The following NCAM2 variants were observed in gnomAD, a reference collection of about 807,000 sequenced individuals.
NCAM2 encodes the protein N-CAM-2.
A neutral mutation model predicts 98.1 loss-of-function variants in NCAM2; 30 were observed. The ratio of observed to expected loss-of-function variants is 0.31; its 90% CI spans 0.23 to 0.41. The LOEUF (loss-of-function observed/expected upper bound fraction) is 0.41, where lower values mean the gene tolerates loss of function less well. Among genes scored for constraint, NCAM2 ranks in the 10% least tolerant of loss-of-function variants. NCAM2 has a pLI of 1.00. For synonymous variants in NCAM2, 368 were observed against 342.4 expected, an observed-to-expected ratio of 1.07 and a Z score of -0.83; for missense variants, 867 against 1,005.8, an observed-to-expected ratio of 0.86 and a Z score of 1.87.
chr21:21,130,721 A>G (rs938413873), intron 1 of NCAM2, among the ~76,000 whole-genome samples: 13 of 80,398 alleles, frequency 1.6e-4, no homozygotes, highest in African/African-American at 4.9e-4. Flanking sequence ...TTTTGCCTCT[A>G]TGTAAATTAC....
In NCAM2 at chr21:21,418,701, C is replaced by T. The variant is rs568758552; in HGVS notation, c.1480+132C>T. ...GGATCTCTTGGAGATATCAGGTAGA[C>T]TGTGGTTACCAGAGGCTTGGTAGTA... On this transcript the variant is annotated intron_variant, in intron 11 of 17. Transcript: ENST00000400546. 636 of 723,622 alleles carry T rather than the reference C, an allele frequency of 8.8e-4. 2 individuals are homozygous for T. Among genetic ancestry groups the T allele is most frequent in the Non-Finnish European group, 1.2e-3 (491 of 406,686 alleles). The allele number at this position is 723,622 out of a possible 1,614,324, so 44.8% of individuals were successfully genotyped here.
intron 1 of NCAM2, among the ~76,000 whole-genome samples, chr21:21,223,975 G>A (rs961263937): frequency 6.6e-6 from 1 of 152,144 alleles, no homozygotes; most frequent in African/African-American, 2.4e-5. Context: ...AGCAATCACG[G>A]AACACAGTGC....
At chr21:21,199,879 G>T (rs1022658623) in intron 1 of NCAM2, among the ~76,000 whole-genome samples, 4 of 151,882 alleles carry the variant, frequency 2.6e-5, no homozygotes, top group African/African-American at 7.3e-5. Flanking sequence ...CACCATTAGA[G>T]GCTGGGCCTT....
intron 1 of NCAM2, among the ~76,000 whole-genome samples, chr21:21,064,603 G>A (rs1038837614): frequency 1.3e-5 from 2 of 151,982 alleles, no homozygotes; most frequent in African/African-American, 4.8e-5. Flanking sequence ...TGCCCCTCAG[G>A]GTTCATCACT....
At chr21:21,536,906 T>C (rs1335035425) in intron 17 of NCAM2, among the ~76,000 whole-genome samples, 1 of 151,994 alleles carries the variant, frequency 6.6e-6, no homozygotes, top group African/African-American at 2.4e-5. Flanking sequence ...AAGTTACAAT[T>C]GCAAACAACT....
At chr21:21,199,940 C>T (rs1157103392) in intron 1 of NCAM2, among the ~76,000 whole-genome samples, 2 of 151,978 alleles carry the variant, frequency 1.3e-5, no homozygotes, top group African/African-American at 4.8e-5. Context: ...CATAAGTGGC[C>T]ACTAAAGAGA....
At chr21:21,131,048 C>T (rs983128523) in intron 1 of NCAM2, among the ~76,000 whole-genome samples, 4 of 151,988 alleles carry the variant, frequency 2.6e-5, no homozygotes, top group African/African-American at 9.7e-5. Flanking sequence ...TGTGCAAAAA[C>T]GTAATCATGT....
intron 1 of NCAM2, among the ~76,000 whole-genome samples, chr21:21,263,079 A>G (rs2071985496): frequency 6.6e-6 from 1 of 152,136 alleles, no homozygotes; most frequent in Non-Finnish European, 1.5e-5. Flanking sequence ...CTCTTCTCTG[A>G]CAACATGATC....
intron 5 of NCAM2, among the ~76,000 whole-genome samples, chr21:21,295,334 T>TA (rs2073438627): frequency 6.6e-6 from 1 of 151,820 alleles, no homozygotes; most frequent in Non-Finnish European, 1.5e-5. Flanking sequence ...TCTTATTACT[T>TA]CCTTTATTTT....
intron 1 of NCAM2, among the ~76,000 whole-genome samples, chr21:21,124,217 A>AC (rs1369896248): frequency 6.6e-6 from 1 of 152,200 alleles, no homozygotes; most frequent in African/African-American, 2.4e-5. Flanking sequence ...AAATTAATCA[A>AC]CATGGTGGCA....
At chr21:21,253,227 CTACGAAATTCA>C (rs1026774029) in intron 1 of NCAM2, among the ~76,000 whole-genome samples, 15 of 152,204 alleles carry the variant, frequency 9.9e-5, no homozygotes, top group South Asian at 2.1e-4. Flanking sequence ...TTCAAGTTTC[CTACGAAATTCA>C]TTAAGCAATT....
Position 21,013,781 on chromosome 21 carries a change from C to CA in NCAM2, c.55+15176dup, listed in dbSNP as rs58879508. ...GGGCAAAAAGAGTGAAACTGCATCT[C>CA]AAAAAAAAAAAAAGAAAATAAAAAA... On this transcript the variant is annotated intron_variant, in intron 1 of 17. Coordinates refer to ENST00000400546, the MANE Select transcript of NCAM2 (RefSeq NM_004540.5). 6.0e-3 allele frequency among the ~76,000 whole-genome samples: 838 copies of CA among 140,180 alleles called. 11 individuals are homozygous for CA. The highest frequency in any genetic ancestry group is 0.02 in the African/African-American group (771 of 38,132). The allele number at this position is 140,180 out of a possible 152,430, so 92.0% of individuals were successfully genotyped here.
intron 15 of NCAM2, among the ~76,000 whole-genome samples, chr21:21,505,873 T>G (rs1443744482): frequency 6.6e-6 from 1 of 151,952 alleles, no homozygotes; most frequent in Non-Finnish European, 1.5e-5. Context: ...CTCAACAAAC[T>G]TGTGACCTAT....
intron 5 of NCAM2, among the ~76,000 whole-genome samples, chr21:21,300,138 T>G (rs989960716): frequency 1.4e-5 from 2 of 141,296 alleles, no homozygotes; most frequent in Admixed American, 7.6e-5. Flanking sequence ...GCTGACTGTA[T>G]AGTCATGTAA....
At chr21:21,495,398 G>A (rs1289956723) in intron 15 of NCAM2, among the ~76,000 whole-genome samples, 6 of 151,974 alleles carry the variant, frequency 3.9e-5, no homozygotes, top group African/African-American at 1.4e-4. Flanking sequence ...TGGAATAGGA[G>A]AGAAGGAGAG....
At chr21:21,397,674 G>A (rs930069287) in intron 9 of NCAM2, among the ~76,000 whole-genome samples, 2 of 152,220 alleles carry the variant, frequency 1.3e-5, no homozygotes, top group Non-Finnish European at 1.5e-5. Context: ...AGCAGAGCGC[G>A]ACTGTGCGGC....
intron 12 of NCAM2, among the ~76,000 whole-genome samples, chr21:21,463,039 T>A (rs189959217): frequency 6.6e-6 from 1 of 152,234 alleles, no homozygotes; most frequent in Admixed American, 6.6e-5. Flanking sequence ...TGTTTGTATA[T>A]GCAGATTTAG....
rs2074587025 is a variant in NCAM2, at chr21:21,328,640, TAAAC to T, written c.737+4143_737+4146del. Among the ~76,000 whole-genome samples, 11 of 148,064 alleles carry T rather than the reference TAAAC, an allele frequency of 7.4e-5. No homozygotes were observed. The South Asian group carries it at 2.4e-3, about 32-fold the overall frequency. On this transcript the variant is annotated intron_variant, in intron 6 of 17. Transcript: ENST00000400546. ...AGAAAAAATATATATCCTTATAAAATAAACAATAAAGAAAATATTTTGTACAGCT... is the reference window on the plus strand; with the variant it reads ...AGAAAAAATATATATCCTTATAAAATAATAAAGAAAATATTTTGTACAGCT...
intron 1 of NCAM2, among the ~76,000 whole-genome samples, chr21:21,063,333 C>A (rs1205317938): frequency 6.9e-6 from 1 of 144,056 alleles, no homozygotes; most frequent in Admixed American, 7.5e-5. Context: ...ATTCTCTTGC[C>A]TCTCAGCCTC....
Sources: gnomAD v4.1 joint callset for allele counts (sites outside exome capture counted in the v4.1 genomes callset) on GRCh38, gnomAD v4.1.1 for gene constraint, MANE v1.5 for transcripts, NCBI Gene and HGNC (gene_info 2026-07-23, HGNC 2026-07-21) for gene names.